Variants in SLC30A9 observed in about 807,000 individuals in gnomAD.
SLC30A9 encodes the protein proton-coupled zinc antiporter SLC30A9, mitochondrial.
A neutral mutation model predicts 87.5 loss-of-function variants in SLC30A9; 58 were observed. The ratio of observed to expected loss-of-function variants is 0.66; its 90% CI spans 0.54 to 0.82. The LOEUF is 0.82. Ranked by LOEUF, SLC30A9 falls within the 40% of genes least tolerant of loss-of-function variation. SLC30A9 has a pLI of 0.00. For missense variants in SLC30A9, 557 were observed against 679.1 expected, an observed-to-expected ratio of 0.82 and a Z score of 2.00; for synonymous variants, 234 against 233.0, an observed-to-expected ratio of 1.00 and a Z score of -0.04.
At chr4:42,021,367 C>A (rs1256456000) in intron 4 of SLC30A9, among the ~76,000 whole-genome samples, 1 of 152,166 alleles carries the variant, frequency 6.6e-6, no homozygotes, top group Non-Finnish European at 1.5e-5. Context: ...CTGATCCATA[C>A]ATTTTTACTA....
At chr4:42,009,934 C>G (rs1161274871) in intron 2 of SLC30A9, among the ~76,000 whole-genome samples, 1 of 152,108 alleles carries the variant, frequency 6.6e-6, no homozygotes, top group Non-Finnish European at 1.5e-5. Flanking sequence ...CTCTGTTTCC[C>G]AAAGCTAAAT....
chr4:42,023,071 T>A, intron 5 of SLC30A9, 141 bp downstream of exon 5: 1 of 563,610 alleles, frequency 1.8e-6, no homozygotes, highest in Non-Finnish European at 3.2e-6. Context: ...ATTTGTGAGT[T>A]ACTAATATGT....
rs1718990469 is a variant in SLC30A9, at chr4:42,088,191, A to G, written c.*2065A>G. ...AAGACATAAAGGAGTACAACATATC[A>G]AGGAATTTGAGTATTTATGTGGAAT... On this transcript the variant is annotated 3_prime_UTR_variant, in exon 18 of 18. Coordinates refer to ENST00000264451, the MANE Select transcript of SLC30A9 (RefSeq NM_006345.4). 6.6e-6 allele frequency: 1 copy of G among 152,196 alleles called. No homozygotes were observed. Among genetic ancestry groups the G allele is most frequent in the African/African-American group, 2.4e-5 (1 of 41,450 alleles). The allele number at this position is 152,196 out of a possible 1,614,324, so 9.4% of individuals were successfully genotyped here.
chr4:42,049,990 C>A (rs1042370702), intron 9 of SLC30A9, among the ~76,000 whole-genome samples: 7 of 152,052 alleles, frequency 4.6e-5, no homozygotes, highest in Non-Finnish European at 1.0e-4. Flanking sequence ...TGTGTGCATC[C>A]TATTACATTT....
chr4:42,010,601 A>G (rs1347756768), intron 2 of SLC30A9, among the ~76,000 whole-genome samples: 1 of 152,224 alleles, frequency 6.6e-6, no homozygotes, highest in Non-Finnish European at 1.5e-5. Flanking sequence ...TTTTGCTTTT[A>G]TTTCAAATAG....
intron 1 of SLC30A9, among the ~76,000 whole-genome samples, chr4:41,994,862 C>T (rs1450458107): frequency 7.1e-6 from 1 of 141,226 alleles, no homozygotes; most frequent in African/African-American, 2.6e-5. Flanking sequence ...TTTAGACTGT[C>T]AATGCTCTTA....
At chr4:42,001,521 G>C in intron 1 of SLC30A9, 95 bp from the exon 2 acceptor site, 1 of 596,208 alleles carries the variant, frequency 1.7e-6, no homozygotes, top group Non-Finnish European at 2.9e-6. Flanking sequence ...TGTGTACCTA[G>C]AAGCAGTGAA....
chr4:42,072,398 T>A (rs1285165753), intron 15 of SLC30A9, among the ~76,000 whole-genome samples: 8 of 152,142 alleles, frequency 5.3e-5, no homozygotes, highest in Non-Finnish European at 8.8e-5. Context: ...CAATTACAGC[T>A]ACAAATTTTC....
At chr4:42,004,221 A>C (rs774859241) in intron 2 of SLC30A9, among the ~76,000 whole-genome samples, 30 of 152,184 alleles carry the variant, frequency 2.0e-4, no homozygotes, top group Non-Finnish European at 1.3e-4. Context: ...ACAGCATTTT[A>C]AATTTGATTA....
In SLC30A9 at chr4:42,062,811, T is replaced by TA. The variant is rs1172727458; in HGVS notation, c.897-174dup. Among the ~76,000 whole-genome samples, 5 of 152,332 alleles carry TA rather than the reference T, an allele frequency of 3.3e-5. 1 individual carries two copies. The East Asian group carries it at 9.6e-4, about 29-fold the overall frequency. ...TCACTTTATGTATTTTCAAAATTCT[T>TA]ACAGTTTTTTCCACTTTACATATTG... On this transcript the variant is annotated intron_variant, in intron 10 of 17. Coordinates refer to ENST00000264451, the MANE Select transcript of SLC30A9 (RefSeq NM_006345.4).
chr4:42,086,196 C>T lies in SLC30A9; in HGVS notation c.*70C>T. The stretch of plus-strand genomic sequence containing the variant: ...TTGTCCGTCCACTCTACAAAGTTTC[C>T]TCCTCTCCTACACTGAAAGACTCAG... On this transcript the variant is annotated 3_prime_UTR_variant, in exon 18 of 18. Transcript: ENST00000264451. 2.1e-6 allele frequency: 2 copies of T among 952,984 alleles called. No individual in the cohort carries two copies. The highest frequency in any genetic ancestry group is 3.2e-6 in the Non-Finnish European group (2 of 622,362). The allele number at this position is 952,984 out of a possible 1,614,324, so 59.0% of individuals were successfully genotyped here.
intron 8 of SLC30A9, among the ~76,000 whole-genome samples, chr4:42,040,715 G>A (rs1474516982): frequency 6.7e-6 from 1 of 149,978 alleles, no homozygotes; most frequent in Non-Finnish European, 1.5e-5. Flanking sequence ...AGAATGGTGT[G>A]AACCCGGGAG....
intron 9 of SLC30A9, among the ~76,000 whole-genome samples, chr4:42,053,723 A>G (rs1298966118): frequency 7.2e-6 from 1 of 138,190 alleles, no homozygotes; most frequent in Non-Finnish European, 1.6e-5. Flanking sequence ...AAAAAAAAAA[A>G]AGGAATGTTA....
rs190234782 is a variant in SLC30A9, at chr4:42,023,284, C to T, written c.528-18C>T. ...TCATTAAAATTGTTCATTGTGGTGACCATGTGTGTATGCACAGATCTTTGG... is the reference window on the plus strand; with the variant it reads ...TCATTAAAATTGTTCATTGTGGTGATCATGTGTGTATGCACAGATCTTTGG... On this transcript the variant is annotated intron_variant, in intron 5 of 17. Transcript: ENST00000264451. 504 of 1,555,736 alleles carry T rather than the reference C, an allele frequency of 3.2e-4. 5 individuals carry two copies. In the East Asian group the frequency reaches 0.011, roughly 34 times the overall value.
chr4:42,045,238 A>G (rs1717097522), intron 8 of SLC30A9, among the ~76,000 whole-genome samples: 2 of 152,196 alleles, frequency 1.3e-5, no homozygotes, highest in Non-Finnish European at 2.9e-5. Flanking sequence ...AGATAGAGAC[A>G]CCAAAAACCC....
At chr4:42,062,730 A>G (rs1265181985) in intron 10 of SLC30A9, among the ~76,000 whole-genome samples, 1 of 152,218 alleles carries the variant, frequency 6.6e-6, no homozygotes, top group East Asian at 1.9e-4. Context: ...GTAGCTCTCT[A>G]AATCAAAATA....
At chr4:42,049,084 T>G (rs1717283101) in intron 8 of SLC30A9, among the ~76,000 whole-genome samples, 1 of 152,156 alleles carries the variant, frequency 6.6e-6, no homozygotes, top group African/African-American at 2.4e-5. Flanking sequence ...CACCTCAGCC[T>G]CTCAGTAGCT....
intron 8 of SLC30A9, among the ~76,000 whole-genome samples, chr4:42,048,344 G>A (rs970493388): frequency 6.6e-6 from 1 of 152,172 alleles, no homozygotes; most frequent in African/African-American, 2.4e-5. Flanking sequence ...ATGGTAGGTG[G>A]TATTGATAAG....
intron 11 of SLC30A9, among the ~76,000 whole-genome samples, chr4:42,063,836 CTCTCAGCT>C (rs1268995375): frequency 1.3e-5 from 2 of 152,138 alleles, no homozygotes; most frequent in African/African-American, 2.4e-5. Flanking sequence ...ATAGCCTACC[CTCTCAGCT>C]TCTGCATCTC....
Sources: allele counts gnomAD v4.1 joint callset (sites outside exome capture counted in the v4.1 genomes callset), GRCh38; gene constraint gnomAD v4.1.1; transcripts MANE v1.5; gene names NCBI Gene and HGNC (gene_info 2026-07-23, HGNC 2026-07-21).